The following UBASH3B variants were observed in gnomAD, a reference collection of about 807,000 sequenced individuals.
The protein encoded by UBASH3B is ubiquitin-associated and SH3 domain-containing protein B.
UBASH3B carries 37 observed loss-of-function variants against 83.4 expected under a neutral mutation model. The ratio of observed to expected loss-of-function variants is 0.44; its 90% CI spans 0.34 to 0.58. UBASH3B has a LOEUF of 0.58. Among genes scored for constraint, UBASH3B ranks in the 20% least tolerant of loss-of-function variants. The probability of loss-of-function intolerance (pLI) is 0.01; values close to 1 mark genes in which losing one functional copy is unlikely to be tolerated. For synonymous variants in UBASH3B, 304 were observed against 318.3 expected, an observed-to-expected ratio of 0.96 and a Z score of 0.48; for missense variants, 657 against 827.2, an observed-to-expected ratio of 0.79 and a Z score of 2.52.
At chr11:122,740,976 C>T (rs889429553) in intron 1 of UBASH3B, among the ~76,000 whole-genome samples, 4 of 152,140 alleles carry the variant, frequency 2.6e-5, no homozygotes, top group African/African-American at 9.7e-5. Context: ...AAAAACAAAT[C>T]GTTCGCAGGG....
intron 1 of UBASH3B, among the ~76,000 whole-genome samples, chr11:122,772,097 A>G (rs1860655206): frequency 6.6e-6 from 1 of 152,232 alleles, no homozygotes; most frequent in Admixed American, 6.5e-5. Flanking sequence ...TGTTTCTCTT[A>G]TAACATTTAA....
At chr11:122,801,414 C>A in intron 11 of UBASH3B, 82 bp downstream of exon 11, 2 of 1,525,158 alleles carry the variant, frequency 1.3e-6, no homozygotes, top group Non-Finnish European at 1.8e-6. Flanking sequence ...CAGGAAGGAG[C>A]CAGGGCTGGA....
intron 6 of UBASH3B, among the ~76,000 whole-genome samples, chr11:122,793,401 C>T (rs57526194): frequency 6.6e-6 from 1 of 152,124 alleles, no homozygotes; most frequent in African/African-American, 2.4e-5. Flanking sequence ...AAATAAAATT[C>T]TGATAATACA....
chr11:122,689,007 C>T (rs1360369335), intron 1 of UBASH3B, among the ~76,000 whole-genome samples: 1 of 147,846 alleles, frequency 6.8e-6, no homozygotes, highest in Admixed American at 6.7e-5. Context: ...ACCATATTGG[C>T]CAGGCTGGTC....
chr11:122,756,156 T>G (rs192808520), intron 1 of UBASH3B, among the ~76,000 whole-genome samples: 12 of 152,332 alleles, frequency 7.9e-5, no homozygotes, highest in Admixed American at 2.0e-4. Flanking sequence ...GAATGAACTA[T>G]GAGGAAAATT....
At chr11:122,789,988 A>G (rs577858419) in intron 6 of UBASH3B, among the ~76,000 whole-genome samples, 3 of 152,356 alleles carry the variant, frequency 2.0e-5, no homozygotes, top group Admixed American at 6.5e-5. Context: ...TAGATAAAAT[A>G]GAAACAAAAG....
chr11:122,738,826 G>A (rs553612421), intron 1 of UBASH3B, among the ~76,000 whole-genome samples: 11 of 151,314 alleles, frequency 7.3e-5, no homozygotes, highest in African/African-American at 2.7e-4. Context: ...GGAGGAGGTT[G>A]TGGTGAGCCG....
At chr11:122,742,897 A>G (rs1377646448) in intron 1 of UBASH3B, among the ~76,000 whole-genome samples, 1 of 152,152 alleles carries the variant, frequency 6.6e-6, no homozygotes, top group Non-Finnish European at 1.5e-5. Flanking sequence ...AAATGGAGTG[A>G]CCCCACCTCC....
intron 1 of UBASH3B, among the ~76,000 whole-genome samples, chr11:122,760,936 A>C (rs558868401): frequency 5.1e-4 from 78 of 152,344 alleles, no homozygotes; most frequent in African/African-American, 1.7e-3. Flanking sequence ...CCCCAAGACC[A>C]TCCAGTTGTT....
chr11:122,787,190 G>C (rs1453974715), intron 5 of UBASH3B, among the ~76,000 whole-genome samples: 1 of 152,170 alleles, frequency 6.6e-6, no homozygotes, highest in Non-Finnish European at 1.5e-5. Context: ...AAAAAAGAAT[G>C]TTCCTTTTCA....
intron 1 of UBASH3B, among the ~76,000 whole-genome samples, chr11:122,775,192 G>T (rs1860712283): frequency 6.6e-6 from 1 of 152,226 alleles, no homozygotes; most frequent in Non-Finnish European, 1.5e-5. Context: ...AAGCATGAAT[G>T]CATGAATGAA....
chr11:122,666,669 G>A (rs1256210287), intron 1 of UBASH3B, among the ~76,000 whole-genome samples: 2 of 151,978 alleles, frequency 1.3e-5, no homozygotes, highest in African/African-American at 2.4e-5. Flanking sequence ...CACCCGCCTC[G>A]GCCTCCCAAA....
intron 11 of UBASH3B, among the ~76,000 whole-genome samples, 195 bp downstream of exon 11, chr11:122,801,527 TG>T (rs1270034478): frequency 3.9e-5 from 6 of 152,196 alleles, no homozygotes; most frequent in African/African-American, 1.4e-4. Flanking sequence ...GGCATTAGTG[TG>T]GATTAGATTC....
chr11:122,780,895 G>T (rs192847003), intron 4 of UBASH3B, among the ~76,000 whole-genome samples: 16 of 152,218 alleles, frequency 1.1e-4, no homozygotes, highest in Non-Finnish European at 1.5e-5. Flanking sequence ...GTGCCAGAGA[G>T]GGGGAAGACC....
intron 6 of UBASH3B, among the ~76,000 whole-genome samples, chr11:122,792,626 A>C (rs1861079786): frequency 6.6e-6 from 1 of 151,996 alleles, no homozygotes; most frequent in Admixed American, 6.6e-5. Flanking sequence ...GCCAAACTGG[A>C]TTTTCTTGAA....
intron 1 of UBASH3B, among the ~76,000 whole-genome samples, chr11:122,678,337 C>A (rs1863693322): frequency 6.6e-6 from 1 of 152,202 alleles, no homozygotes; most frequent in Non-Finnish European, 1.5e-5. Context: ...GCAGGGGTCA[C>A]AATGGGGACC....
At chr11:122,674,964 G>T (rs1254861660) in intron 1 of UBASH3B, among the ~76,000 whole-genome samples, 1 of 151,666 alleles carries the variant, frequency 6.6e-6, no homozygotes, top group Non-Finnish European at 1.5e-5. Flanking sequence ...CCTCACCTCT[G>T]GTGATCCACC....
At chr11:122,666,733 T>A (rs1202494657) in intron 1 of UBASH3B, among the ~76,000 whole-genome samples, 1 of 152,126 alleles carries the variant, frequency 6.6e-6, no homozygotes, top group African/African-American at 2.4e-5. Flanking sequence ...TCATTTTGAA[T>A]CAACTTTTCC....
At chr11:122,744,775 T>C (rs1029174980) in intron 1 of UBASH3B, among the ~76,000 whole-genome samples, 1 of 152,148 alleles carries the variant, frequency 6.6e-6, no homozygotes, top group African/African-American at 2.4e-5. Flanking sequence ...ACATGTGTGC[T>C]ATATGAGTGA....
Sources: allele counts gnomAD v4.1 joint callset (sites outside exome capture counted in the v4.1 genomes callset), GRCh38; gene constraint gnomAD v4.1.1; transcripts MANE v1.5; gene names NCBI Gene and HGNC (gene_info 2026-07-23, HGNC 2026-07-21).